Variants in MGAM observed in about 807,000 individuals in gnomAD.
The protein encoded by MGAM is maltase-glucoamylase.
A neutral mutation model predicts 358.8 loss-of-function variants in MGAM; 253 were observed. The observed-to-expected ratio is 0.71, with a 90% CI of 0.64 to 0.78. The LOEUF (loss-of-function observed/expected upper bound fraction) is 0.78. Ranked by LOEUF, MGAM falls within the 30% of genes least tolerant of loss-of-function variation. The pLI is 0.00. For synonymous variants in MGAM, 1,105 were observed against 1,227.1 expected (o/e 0.90, Z 2.08); for missense variants, 3,080 against 3,432.6 (o/e 0.90, Z 2.57).
At chr7:142,059,714 A>T in intron 32 of MGAM, 114 bp downstream of exon 32, 22 of 1,578,490 alleles carry the variant, frequency 1.4e-5, no homozygotes, top group Non-Finnish European at 1.9e-5. Context: ...GTGCAGTAAG[A>T]AAGGTGTATT....
At chr7:142,038,193 C>A (rs1376419662) in intron 18 of MGAM, among the ~76,000 whole-genome samples, 2 of 152,098 alleles carry the variant, frequency 1.3e-5, no homozygotes. Context: ...ACGTAATGAT[C>A]TCCAGTTCCA....
At chr7:142,084,709 T>C in intron 54 of MGAM, 65 bp downstream of exon 54, 1 of 1,510,122 alleles carries the variant, frequency 6.6e-7, no homozygotes. Context: ...TCTGGCTTCA[T>C]TTGTCTAATG....
In MGAM at chr7:142,056,040, G is replaced by A. The variant is rs761637327; in HGVS notation, c.3524G>A (p.Gly1175Glu). Residue 1175 changes from glycine to glutamate, a missense_variant, in exon 29 of 71, where the codon GGG becomes GAG. By Grantham distance (98) the Gly-to-Glu change is moderately conservative. Around this residue, in one of 5 missense-constraint regions of MGAM, gnomAD observed 1,816 missense variants for 1,840.5 expected, o/e 0.99. Coordinates refer to ENST00000475668, the MANE Select transcript of MGAM (RefSeq NM_001365693.1). Reference protein sequence around the residue: ...NSYGVHPYYMGLEEDGSAHGV... With the variant: ...NSYGVHPYYMELEEDGSAHGV... ...TATGGTGTCCACCCCTACTACATGG[G>A]GCTGGAGGAGGACGGCAGTGCCCAT... is the stretch of plus-strand genomic sequence containing the variant. 1.9e-6 allele frequency: 3 copies of A among 1,611,838 alleles called. No individual in the cohort carries two copies. Among genetic ancestry groups the A allele is most frequent in the East Asian group, 4.5e-5 (2 of 44,830 alleles).
intron 3 of MGAM, among the ~76,000 whole-genome samples, chr7:142,014,588 C>T (rs1805827540): frequency 1.3e-5 from 2 of 151,870 alleles, no homozygotes; most frequent in Admixed American, 1.3e-4. Context: ...CACGCATATC[C>T]CTTCTGTATT....
intron 2 of MGAM, among the ~76,000 whole-genome samples, chr7:141,987,433 A>G (rs1803762895): frequency 6.6e-6 from 1 of 152,196 alleles, no homozygotes; most frequent in Admixed American, 6.5e-5. Flanking sequence ...GTGCAGTATG[A>G]TTCAGGCACT....
intron 40 of MGAM, 112 bp downstream of exon 40, chr7:142,065,943 G>GGTTTTTTTTGTTT (rs1812697554): frequency 1.6e-6 from 1 of 615,314 alleles, no homozygotes; most frequent in African/African-American, 2.1e-5. Context: ...AAAAAAAGGT[G>GGTTTTTTTTGTTT]TTTTTTTTTG....
chr7:142,078,640 A>C lies in MGAM; in HGVS notation c.5647-168A>C, dbSNP rs1490794021. The stretch of plus-strand genomic sequence containing the variant: ...TGGGGACATGTGGAAAACTTTTTAA[A>C]ATAAATATTTTGCTTGGAGACCAGG... On this transcript the variant is annotated intron_variant, in intron 48 of 70. Transcript: ENST00000475668. Among the ~76,000 whole-genome samples the C allele has an allele frequency of 2.7e-5, 4 of 146,416 alleles. 1 individual carries two copies. The highest frequency in any genetic ancestry group is 1.4e-4 in the Admixed American group (2 of 14,562).
intron 26 of MGAM, among the ~76,000 whole-genome samples, chr7:142,054,395 G>T (rs997968775): frequency 2.6e-5 from 4 of 152,034 alleles, no homozygotes; most frequent in African/African-American, 9.7e-5. Flanking sequence ...ATTTCATTTT[G>T]GGGAGACAGG....
At chr7:142,032,670 A>G (rs1466278977) in intron 13 of MGAM, among the ~76,000 whole-genome samples, 155 bp from the exon 14 acceptor site, 2 of 152,180 alleles carry the variant, frequency 1.3e-5, no homozygotes, top group Admixed American at 6.6e-5. Context: ...TTCAGTGGGT[A>G]GACAAGACAA....
chr7:142,037,872 C>T (rs1470716986), intron 18 of MGAM, among the ~76,000 whole-genome samples: 1 of 152,006 alleles, frequency 6.6e-6, no homozygotes, highest in Non-Finnish European at 1.5e-5. Flanking sequence ...TCCATCCCCT[C>T]GAGCATTTAT....
In MGAM at chr7:142,055,707, C is replaced by G; in HGVS notation, c.3464C>G (p.Ser1155Cys). Residue 1155 changes from serine to cysteine, a missense_variant, in exon 28 of 71, where the codon TCC (serine) becomes TGC (cysteine). Ser to Cys is a moderately radical substitution (Grantham distance 112, BLOSUM62 -1). Transcript: ENST00000475668. Reference protein sequence around the residue: ...DLEWHTWGMFSRDQPPGYKKN... With the variant: ...DLEWHTWGMFCRDQPPGYKKN... ...GAGTGGCACACTTGGGGGATGTTCTCCCGAGACCAGCCCCCAGGGGTAAGG... is the reference window on the plus strand; with the variant it reads ...GAGTGGCACACTTGGGGGATGTTCTGCCGAGACCAGCCCCCAGGGGTAAGG... The G allele has an allele frequency of 1.9e-6, 3 of 1,613,920 alleles. No individual in the cohort carries two copies. Among genetic ancestry groups the G allele is most frequent in the African/African-American group, 1.3e-5 (1 of 75,016 alleles).
At position 142,066,685 on chromosome 7, in the gene MGAM, C is replaced by T. The variant is rs368626581; in HGVS notation, c.4883C>T (p.Thr1628Met). The T allele has an allele frequency of 6.4e-5, 100 of 1,556,068 alleles. 7 individuals carry two copies. The Middle Eastern group carries it at 1.7e-3, about 26-fold the overall frequency. ...TATACCTTGATGCAAAAGGCCCACA[C>T]GGAGGGCGTCACTGTTGTGCGGCCT... Reference protein sequence around the residue: ...YLYTLMQKAHTEGVTVVRPLL... With the variant: ...YLYTLMQKAHMEGVTVVRPLL... Residue 1628 changes from threonine (T) to methionine (M), a missense_variant, in exon 41 of 71, where the codon ACG becomes ATG. By Grantham distance (81) the Thr-to-Met change is moderately conservative. Around this residue, in one of 5 missense-constraint regions of MGAM, gnomAD observed 134 missense variants for 198.4 expected, o/e 0.68. Transcript: ENST00000475668.
intron 64 of MGAM, chr7:142,096,120 C>T (rs1815882856): frequency 3.2e-6 from 2 of 625,022 alleles, no homozygotes; most frequent in South Asian, 2.0e-5. Flanking sequence ...AGAGAGAATA[C>T]ATCTACATCC....
Position 142,103,439 on chromosome 7 carries a change from G to C in MGAM, c.8184G>C (p.Gln2728His). Residue 2728 changes from glutamine to histidine, a missense_variant and splice_region_variant, in exon 70 of 71, where the codon CAG (glutamine) becomes CAC (histidine). By Grantham distance (24) the Gln-to-His change is conservative (BLOSUM62 0). This residue lies in a region of MGAM where 194 missense variants were observed against 172.8 expected (regional missense o/e 1.12). Transcript: ENST00000475668. Reference sequence around the variant, plus strand: ...CCTTCAACAATGACCCCACGACACAGGTTTGTGACCAGCAAAAAGTGCGAA... The same window carrying C: ...CCTTCAACAATGACCCCACGACACACGTTTGTGACCAGCAAAAAGTGCGAA... ...TPSFNNDPTT[Q>H]VLSIDVTDRN... 6.3e-7 allele frequency: 1 copy of C among 1,595,128 alleles called. No individual in the cohort carries two copies. The highest frequency in any genetic ancestry group is 8.5e-7 in the Non-Finnish European group (1 of 1,172,156).
chr7:141,986,603 G>A (rs1485380925), intron 2 of MGAM, among the ~76,000 whole-genome samples: 1 of 152,170 alleles, frequency 6.6e-6, no homozygotes, highest in Non-Finnish European at 1.5e-5. Flanking sequence ...CTTGGGGTAG[G>A]GGACTGAGGG....
chr7:142,071,851 T>C (rs185622568), intron 44 of MGAM, among the ~76,000 whole-genome samples: 20 of 146,672 alleles, frequency 1.4e-4, no homozygotes, highest in Admixed American at 1.2e-3. Context: ...TCCAAAATTA[T>C]AGATTCCATC....
Position 142,045,168 on chromosome 7 carries a change from T to C in MGAM, c.2499-2617T>C, listed in dbSNP as rs1276603963. Reference sequence around the variant, plus strand: ...TATCATATATGTGATATATAATATATATATTATATAACATATATGATATAT... The same window carrying C: ...TATCATATATGTGATATATAATATACATATTATATAACATATATGATATAT... On this transcript the variant is annotated intron_variant, in intron 21 of 70. Transcript: ENST00000475668. Among the ~76,000 whole-genome samples the C allele has an allele frequency of 1.3e-3, 100 of 79,462 alleles. 1 individual carries two copies. The highest frequency in any genetic ancestry group is 5.0e-3 in the African/African-American group (93 of 18,564). The allele number at this position is 79,462 out of a possible 152,430, so 52.1% of individuals were successfully genotyped here.
intron 2 of MGAM, among the ~76,000 whole-genome samples, chr7:141,988,126 A>G (rs1803788368): frequency 6.6e-6 from 1 of 151,952 alleles, no homozygotes; most frequent in Non-Finnish European, 1.5e-5. Context: ...CATAGCTACT[A>G]AAAATACAAA....
intron 60 of MGAM, among the ~76,000 whole-genome samples, chr7:142,094,094 C>G (rs774465953): frequency 1.4e-5 from 2 of 146,166 alleles, no homozygotes; most frequent in East Asian, 4.0e-4. Context: ...TTTGGGGAAA[C>G]CAATAGCAAG....
Sources: allele counts gnomAD v4.1 joint callset (sites outside exome capture counted in the v4.1 genomes callset), GRCh38; gene constraint gnomAD v4.1.1; regional missense constraint gnomAD v4.1.1; transcripts MANE v1.5; gene names NCBI Gene and HGNC (gene_info 2026-07-23, HGNC 2026-07-21).